The following SLIT3 variants were observed in gnomAD, a reference collection of about 807,000 sequenced individuals.
SLIT3 encodes slit homolog 3 protein.
In SLIT3, 68 loss-of-function variants were observed where a neutral mutation model predicts 184.0. That is an observed-to-expected ratio of 0.37 (90% CI 0.30 to 0.45). SLIT3 has a LOEUF of 0.45. SLIT3 is among the 20% of genes least tolerant of loss of function. The pLI is 1.00. For missense variants in SLIT3, 1,707 were observed against 2,026.0 expected, an observed-to-expected ratio of 0.84 and a Z score of 3.02; for synonymous variants, 831 against 828.6, an observed-to-expected ratio of 1.00 and a Z score of -0.05.
At chr5:169,124,613 TAG>T (rs1264257296) in intron 4 of SLIT3, among the ~76,000 whole-genome samples, 103 of 152,300 alleles carry the variant, frequency 6.8e-4, no homozygotes, top group African/African-American at 2.4e-3. Context: ...TTGTGAGAAA[TAG>T]AGTGATTAAA....
intron 4 of SLIT3, among the ~76,000 whole-genome samples, chr5:168,904,123 C>T (rs1760965429): frequency 6.6e-6 from 1 of 152,302 alleles, no homozygotes; most frequent in Non-Finnish European, 1.5e-5. Context: ...GCGCCCTCCT[C>T]ATTCTCACTC....
At chr5:168,748,520 A>G in intron 19 of SLIT3, 86 bp from the exon 20 acceptor site, 2 of 1,331,840 alleles carry the variant, frequency 1.5e-6, no homozygotes, top group Non-Finnish European at 2.0e-6. Flanking sequence ...TGTTCTCCAC[A>G]AAGACAAGTT....
rs891608069 is a variant in SLIT3, at chr5:168,665,685, G to GAGA, written c.*766_*768dup. ...TTGGAAGCCAGGGCCAGCCAGGAAG[G>GAGA]AGAAGAGGGGTCCCCCAGTGGGTTC... is the stretch of plus-strand genomic sequence containing the variant. On this transcript the variant is annotated 3_prime_UTR_variant, in exon 36 of 36. Transcript: ENST00000519560. 1 of 149,496 alleles carries GAGA rather than the reference G, an allele frequency of 6.7e-6. No homozygotes were observed. The highest frequency in any genetic ancestry group is 2.6e-5 in the African/African-American group (1 of 39,164). 9.3% of individuals were successfully genotyped at this position (149,496 alleles called of 1,614,324 possible). A position where few individuals can be genotyped will look rare whatever the true frequency, so the allele number is the denominator to read the frequency against.
At chr5:168,858,185 T>G (rs1449860754) in intron 5 of SLIT3, among the ~76,000 whole-genome samples, 1 of 152,218 alleles carries the variant, frequency 6.6e-6, no homozygotes, top group Non-Finnish European at 1.5e-5. Context: ...CGGAACACAG[T>G]CTCTGAAGGA....
Position 168,817,327 on chromosome 5 carries a change from C to T in SLIT3, c.766G>A (p.Val256Met), listed in dbSNP as rs771235707. ...GGGCACACGTACTCCTTCTTCTGCA[C>T]ATCCGCCACGTTGAAGCCCCTCAAA... ...VHLRGFNVAD[V>M]QKKEYVCPAP... Residue 256 changes from valine (V) to methionine (M), a missense_variant, in exon 8 of 36, where the codon GTG (valine) becomes ATG (methionine). Val to Met is a conservative substitution (Grantham distance 21). Around this residue, in one of 3 missense-constraint regions of SLIT3, gnomAD observed 1,307 missense variants for 1,511.6 expected, o/e 0.86. Coordinates refer to ENST00000519560, the MANE Select transcript of SLIT3 (RefSeq NM_003062.4). 8.1e-6 allele frequency: 13 copies of T among 1,614,086 alleles called. No homozygotes were observed. In the South Asian group the frequency reaches 8.8e-5, roughly 11 times the overall value.
chr5:169,001,194 C>A (rs1402519840), intron 4 of SLIT3, among the ~76,000 whole-genome samples: 1 of 152,150 alleles, frequency 6.6e-6, no homozygotes, highest in Non-Finnish European at 1.5e-5. Context: ...CTCAGCCAAC[C>A]CTTTCAGCCC....
intron 4 of SLIT3, among the ~76,000 whole-genome samples, chr5:168,973,967 T>C (rs966638254): frequency 6.6e-6 from 1 of 152,218 alleles, no homozygotes; most frequent in African/African-American, 2.4e-5. Flanking sequence ...GGAGCTCTCA[T>C]GAAAAATACG....
intron 17 of SLIT3, 74 bp downstream of exon 17, chr5:168,753,789 CG>C: frequency 6.5e-7 from 1 of 1,537,554 alleles, no homozygotes; most frequent in East Asian, 2.3e-5. Flanking sequence ...CACTTGCCTT[CG>C]TAGTCTGTCT....
intron 6 of SLIT3, among the ~76,000 whole-genome samples, chr5:168,826,731 C>T (rs778903940): frequency 2.0e-5 from 3 of 152,240 alleles, no homozygotes; most frequent in Non-Finnish European, 2.9e-5. Flanking sequence ...ATATGCCAGA[C>T]GGGCTCTGAG....
intron 32 of SLIT3, among the ~76,000 whole-genome samples, chr5:168,679,136 G>A (rs989763808): frequency 2.6e-5 from 4 of 152,172 alleles, no homozygotes; most frequent in African/African-American, 9.7e-5. Flanking sequence ...ACAGCTCACT[G>A]CAGCCTTGAC....
chr5:168,735,756 C>T lies in SLIT3; in HGVS notation c.2271-11272G>A, dbSNP rs186599342. On this transcript the variant is annotated intron_variant, in intron 20 of 35. Transcript: ENST00000519560. ...TTATTGAAAGATAATGTTCCTCTTG[C>T]TGTTCATTCTCTTCTTCTTCCTCCA... Among the ~76,000 whole-genome samples the T allele has an allele frequency of 1.3e-3, 201 of 151,916 alleles. 2 individuals carry two copies. Among genetic ancestry groups the T allele is most frequent in the African/African-American group, 4.7e-3 (196 of 41,418 alleles).
intron 3 of SLIT3, among the ~76,000 whole-genome samples, chr5:169,195,490 G>A (rs1178234903): frequency 1.3e-5 from 2 of 152,208 alleles, no homozygotes; most frequent in African/African-American, 4.8e-5. Context: ...AGTTGGATAA[G>A]ATAAGCTCTA....
chr5:169,108,223 T>C (rs1433085943), intron 4 of SLIT3, among the ~76,000 whole-genome samples: 2 of 152,202 alleles, frequency 1.3e-5, no homozygotes, highest in Non-Finnish European at 2.9e-5. Flanking sequence ...GGACCAATTA[T>C]TTTCAGACAG....
intron 4 of SLIT3, among the ~76,000 whole-genome samples, chr5:168,999,123 C>T (rs189023002): frequency 1.8e-4 from 27 of 152,172 alleles, no homozygotes; most frequent in African/African-American, 1.9e-4. Context: ...ACTACATTGC[C>T]CAGGCTGGTG....
At chr5:168,759,410 T>C (rs1755060351) in intron 16 of SLIT3, among the ~76,000 whole-genome samples, 1 of 152,222 alleles carries the variant, frequency 6.6e-6, no homozygotes, top group African/African-American at 2.4e-5. Flanking sequence ...AACTCAAGCC[T>C]GTAATAAAAC....
chr5:169,073,431 C>T (rs1196578829), intron 4 of SLIT3, among the ~76,000 whole-genome samples: 1 of 151,844 alleles, frequency 6.6e-6, no homozygotes, highest in African/African-American at 2.4e-5. Flanking sequence ...ACTGCACCTC[C>T]TTCTTCCAAC....
intron 4 of SLIT3, among the ~76,000 whole-genome samples, chr5:169,163,470 A>C (rs902126432): frequency 6.6e-6 from 1 of 152,204 alleles, no homozygotes; most frequent in African/African-American, 2.4e-5. Flanking sequence ...ATCCCGACAC[A>C]GGCTTTCTGA....
rs139693538 is a variant in SLIT3, at chr5:169,064,292, G to C, written c.413+129187C>G. Among the ~76,000 whole-genome samples the C allele has an allele frequency of 3.9e-3, 595 of 152,302 alleles. 2 individuals carry two copies. The highest frequency in any genetic ancestry group is 0.014 in the Middle Eastern group (4 of 294). On this transcript the variant is annotated intron_variant, in intron 4 of 35. Transcript: ENST00000519560. ...GCCTGCTTGAAGTATTCTTGGCTCC[G>C]AGCCACTGCCTCTTAATTCTTTGGG... is the stretch of plus-strand genomic sequence containing the variant.
intron 4 of SLIT3, among the ~76,000 whole-genome samples, chr5:168,966,954 A>C (rs1010075989): frequency 3.9e-5 from 6 of 152,256 alleles, no homozygotes; most frequent in Admixed American, 2.6e-4. Context: ...TAAGAGCTTT[A>C]CTCCTAAGGA....
Sources: gnomAD v4.1 joint callset for allele counts (sites outside exome capture counted in the v4.1 genomes callset) on GRCh38, gnomAD v4.1.1 for gene constraint, gnomAD v4.1.1 regional missense constraint, MANE v1.5 for transcripts, NCBI Gene and HGNC (gene_info 2026-07-23, HGNC 2026-07-21) for gene names.